TFAP2A: variants seen among roughly 807,000 people sequenced by gnomAD.
TFAP2A encodes transcription factor AP-2-alpha.
TFAP2A carries 7 observed loss-of-function variants against 41.5 expected under a neutral mutation model. That is an observed-to-expected ratio of 0.17 (90% CI 0.10 to 0.32). TFAP2A has a LOEUF of 0.32. TFAP2A is among the 10% of genes least tolerant of loss of function. The pLI is 1.00. For missense variants in TFAP2A, 416 were observed against 563.3 expected (o/e 0.74, Z 2.65); for synonymous variants, 247 against 242.8 (o/e 1.02, Z -0.16).
intron 3 of TFAP2A, 158 bp downstream of exon 3, chr6:10,406,635 G>T: frequency 1.5e-6 from 1 of 687,684 alleles, no homozygotes; most frequent in Non-Finnish European, 2.6e-6. Context: ...CATACTGAAG[G>T]CTGATTATTT....
chr6:10,403,674 A>T (rs1403960510), intron 4 of TFAP2A, among the ~76,000 whole-genome samples: 1 of 152,188 alleles, frequency 6.6e-6, no homozygotes. Flanking sequence ...GTGGAATCCT[A>T]GGGGTAGGAA....
rs771461196 is a variant in TFAP2A, at chr6:10,402,265, G to A, written c.889+227C>T. On this transcript the variant is annotated intron_variant, in intron 5 of 6. Coordinates refer to ENST00000379613, the MANE Select transcript of TFAP2A (RefSeq NM_001372066.1). ...GTTGTTTAGCTCAGAATTAGGCTGG[G>A]GAGGTGTAACTTTATGGTAGAGGAA... 29 of 622,184 alleles carry A rather than the reference G, an allele frequency of 4.7e-5. 1 individual carries two copies. The highest frequency in any genetic ancestry group is 3.9e-4 in the South Asian group (26 of 65,962). The allele number at this position is 622,184 out of a possible 1,614,324, so 38.5% of individuals were successfully genotyped here.
At chr6:10,414,651 G>T in intron 1 of TFAP2A, 1 of 568,846 alleles carries the variant, frequency 1.8e-6, no homozygotes, top group Non-Finnish European at 3.2e-6. Flanking sequence ...TGCTTCAAAA[G>T]CCCATGTTCT....
upstream of TFAP2A, chr6:10,417,115 C>T (rs1758273857): frequency 1.3e-5 from 2 of 152,428 alleles, no homozygotes; most frequent in Non-Finnish European, 2.9e-5. Flanking sequence ...CCTGAGCAGG[C>T]CAAACCCTAG....
chr6:10,398,599 G>C lies in TFAP2A; in HGVS notation c.1138C>G (p.His380Asp). 3.1e-6 allele frequency: 5 copies of C among 1,614,230 alleles called. No individual in the cohort carries two copies. The highest frequency in any genetic ancestry group is 3.4e-6 in the Non-Finnish European group (4 of 1,180,034). The change falls in exon 7 of 7, where the codon CAC (histidine) becomes GAC (aspartate). Residue 380 changes from histidine to aspartate, a missense_variant. Transcript: ENST00000379613. This position sits in a 1 kb window ranked among gnomAD's most constrained non-coding sequence, Gnocchi z 5.3. ...AAGCCGTGGGAGATGAGGTTGAAGT[G>C]GGTCAAGCAGCTCTGGATGCCGGGC... ...LEPGIQSCLT[H>D]FNLISHGFGS... is the part of the protein sequence containing the mutation.
At chr6:10,413,910 T>G (rs1361045200) in intron 1 of TFAP2A, among the ~76,000 whole-genome samples, 1 of 151,910 alleles carries the variant, frequency 6.6e-6, no homozygotes, top group Non-Finnish European at 1.5e-5. Flanking sequence ...CACCTATTTA[T>G]TTAGGTAATC....
rs1014105118 is a variant in TFAP2A at position 10,398,229 on chromosome 6, C to A, written c.*188G>T. Reference sequence around the variant, plus strand: ...GGGTGCAGAGTCGGAGAGGCTGCCCCACTGACAGTCGAGAGGGCAGTCCCG... The same window carrying A: ...GGGTGCAGAGTCGGAGAGGCTGCCCAACTGACAGTCGAGAGGGCAGTCCCG... On this transcript the variant is annotated 3_prime_UTR_variant, in exon 7 of 7. Transcript: ENST00000379613. The surrounding 1 kb of genome is among the most constrained non-coding windows in gnomAD (Gnocchi z 5.3). 44 of 1,487,020 alleles carry A rather than the reference C, an allele frequency of 3.0e-5. No homozygotes were observed. The highest frequency in any genetic ancestry group is 2.4e-4 in the Middle Eastern group (1 of 4,126). The allele number at this position is 1,487,020 out of a possible 1,614,324, so 92.1% of individuals were successfully genotyped here.
chr6:10,401,128 G>T (rs1275791822), intron 5 of TFAP2A, among the ~76,000 whole-genome samples: 2 of 152,162 alleles, frequency 1.3e-5, no homozygotes, highest in African/African-American at 4.8e-5. Context: ...GGTTTTTACT[G>T]CAGGGCTTCC....
upstream of TFAP2A, chr6:10,416,549 A>G (rs1041533442): frequency 6.6e-6 from 1 of 152,118 alleles, no homozygotes; most frequent in Non-Finnish European, 1.5e-5. Flanking sequence ...TCTCTCTGCT[A>G]TATGTACAAA....
chr6:10,400,579 G>C lies in TFAP2A; in HGVS notation c.900C>G (p.Val300=). The C allele has an allele frequency of 6.2e-7, 1 of 1,614,194 alleles. No individual in the cohort carries two copies. The highest frequency in any genetic ancestry group is 8.5e-7 in the Non-Finnish European group (1 of 1,180,032). Residue 300 remains valine, a synonymous_variant, in exon 6 of 7, where the codon GTC becomes GTG. Transcript: ENST00000379613. ...LLTSLVEGEA[V]HLARDFGYVC... ...CGTACCCAAAGTCCCTGGCTAGGTG[G>C]ACAGCTTCTCCTGGCAAGAGGGGAG...
chr6:10,400,356 G>T, intron 6 of TFAP2A, 92 bp downstream of exon 6: 1 of 1,523,644 alleles, frequency 6.6e-7, no homozygotes. Context: ...AACACAAAAG[G>T]AAAACAAGGG....
At chr6:10,416,438 A>AAAG (rs1758247825), upstream of TFAP2A, 3 of 151,688 alleles carry the variant, frequency 2.0e-5, no homozygotes. Flanking sequence ...AGAAAAAAAA[A>AAAG]AAAGAAAAGG....
At chr6:10,411,402 T>G in intron 1 of TFAP2A, among the ~76,000 whole-genome samples, 1 of 147,716 alleles carries the variant, frequency 6.8e-6, no homozygotes. Flanking sequence ...GATTTAGGGA[T>G]GGAAAAGAGC....
chr6:10,402,585 A>T lies in TFAP2A; in HGVS notation c.796T>A (p.Ser266Thr). Residue 266 changes from serine to threonine, a missense_variant, in exon 5 of 7, where the codon TCT becomes ACT. Ser to Thr is a moderately conservative substitution (Grantham distance 58). Transcript: ENST00000379613. Reference protein sequence around the residue: ...RRAKSKNGGRSLREKLDKIGL... With the variant: ...RRAKSKNGGRTLREKLDKIGL... Reference sequence around the variant, plus strand: ...ATTTTGTCCAGTTTTTCTCTTAAAGATCTTCCTCCATTTTTAGACTTCGCC... The same window carrying T: ...ATTTTGTCCAGTTTTTCTCTTAAAGTTCTTCCTCCATTTTTAGACTTCGCC... 6.2e-7 allele frequency: 1 copy of T among 1,613,974 alleles called. No homozygotes were observed.
intron 3 of TFAP2A, 93 bp from the exon 4 acceptor site, chr6:10,404,832 C>T: frequency 1.7e-6 from 2 of 1,194,334 alleles, no homozygotes; most frequent in Non-Finnish European, 1.2e-6. Flanking sequence ...AGGGCCGGAT[C>T]CCAGGCTTTG....
At position 10,400,495 on chromosome 6, in the gene TFAP2A, G is replaced by A. The variant is rs1468822086; in HGVS notation, c.984C>T (p.Ser328=). Residue 328 remains serine, a synonymous_variant, in exon 6 of 7, where the codon TCC becomes TCT. Transcript: ENST00000379613. Reference sequence around the variant, plus strand: ...TTCTTGTCACTTGCTCATTGGGATCGGAATGTTGTCGGTTGAGAAATTCAG... The same window carrying A: ...TTCTTGTCACTTGCTCATTGGGATCAGAATGTTGTCGGTTGAGAAATTCAG... ...AVAEFLNRQH[S]DPNEQVTRKN... The A allele has an allele frequency of 1.9e-6, 3 of 1,614,170 alleles. No individual in the cohort carries two copies. Among genetic ancestry groups the A allele is most frequent in the South Asian group, 1.1e-5 (1 of 91,084 alleles).
In TFAP2A at chr6:10,404,528, C is replaced by T. The variant is rs918362351; in HGVS notation, c.750G>A (p.Leu250=). The T allele has an allele frequency of 6.2e-7, 1 of 1,610,726 alleles. No homozygotes were observed. Among genetic ancestry groups the T allele is most frequent in the African/African-American group, 1.3e-5 (1 of 74,900 alleles). The change falls in exon 4 of 7, where the codon CTG becomes CTA. Residue 250 remains leucine (L), a synonymous_variant. Coordinates refer to ENST00000379613, the MANE Select transcript of TFAP2A (RefSeq NM_001372066.1). ...CTCACCTCCGGAGCACTCCGCCCAG[C>T]AGCGACGCGTTGAGACACTCGGGTG... is the stretch of plus-strand genomic sequence containing the variant. The part of the protein sequence containing the change: ...LSPPECLNAS[L]LGGVLRRAKS...
intron 1 of TFAP2A, 92 bp from the exon 2 acceptor site, chr6:10,410,427 G>T: frequency 1.5e-6 from 2 of 1,336,656 alleles, no homozygotes; most frequent in Non-Finnish European, 2.1e-6. Flanking sequence ...GTCTGCGTGG[G>T]AAATCGCCCG....
chr6:10,419,630 A>C, upstream of TFAP2A: 1 of 716,126 alleles, frequency 1.4e-6, no homozygotes, highest in Non-Finnish European at 2.5e-6. Flanking sequence ...CCAGGAATTC[A>C]CTCCGCCAGC....
Sources: gnomAD v4.1 joint callset for allele counts (sites outside exome capture counted in the v4.1 genomes callset) on GRCh38, gnomAD v4.1.1 for gene constraint, Gnocchi (gnomAD v3.1) non-coding constraint, MANE v1.5 for transcripts, NCBI Gene and HGNC (gene_info 2026-07-23, HGNC 2026-07-21) for gene names.